DCC: variants seen among roughly 807,000 people sequenced by gnomAD.
DCC encodes the protein DCC netrin 1 receptor, also known as netrin receptor DCC.
Under a neutral mutation model 172.5 loss-of-function variants are expected in DCC, and 58 were observed. The observed-to-expected ratio is 0.34, with a 90% CI of 0.27 to 0.42. The LOEUF (loss-of-function observed/expected upper bound fraction) is 0.42. DCC is among the 10% of genes least tolerant of loss of function. The pLI is 1.00. For missense variants in DCC, 1,740 were observed against 1,791.0 expected, an observed-to-expected ratio of 0.97 and a Z score of 0.51; for synonymous variants, 709 against 644.5, an observed-to-expected ratio of 1.10 and a Z score of -1.52.
intron 1 of DCC, among the ~76,000 whole-genome samples, chr18:52,474,557 C>A (rs1047174277): frequency 1.3e-5 from 2 of 152,174 alleles, no homozygotes; most frequent in African/African-American, 2.4e-5. Flanking sequence ...AAAGCAGAAA[C>A]TTCTCTCATG....
chr18:53,266,519 CTCTT>C (rs1275850261), intron 12 of DCC, among the ~76,000 whole-genome samples: 2 of 152,082 alleles, frequency 1.3e-5, no homozygotes, highest in African/African-American at 2.4e-5. Flanking sequence ...CTTCCCTGTG[CTCTT>C]TCTTTCTTTT....
At chr18:52,994,997 AAACT>A (rs1568233871) in intron 5 of DCC, among the ~76,000 whole-genome samples, 3 of 152,154 alleles carry the variant, frequency 2.0e-5, no homozygotes, top group Non-Finnish European at 2.9e-5. Context: ...TATTTTAAAG[AAACT>A]AACAGCATTT....
intron 2 of DCC, among the ~76,000 whole-genome samples, chr18:52,892,864 T>C (rs1341961102): frequency 2.0e-5 from 3 of 152,148 alleles, no homozygotes; most frequent in African/African-American, 7.2e-5. Context: ...GCTCCAATTT[T>C]CCCCCAGTAG....
intron 2 of DCC, among the ~76,000 whole-genome samples, chr18:52,770,576 T>C (rs1052791720): frequency 9.2e-5 from 14 of 152,170 alleles, no homozygotes; most frequent in Non-Finnish European, 1.0e-4. Context: ...GGCACAGTAT[T>C]ATAGTGTCTG....
intron 5 of DCC, among the ~76,000 whole-genome samples, chr18:52,941,374 A>G (rs7227090): frequency 0.13 from 19,819 of 152,080 alleles, 1,681 homozygotes; most frequent in East Asian, 0.35. Context: ...TAAAGGTAGT[A>G]CTCAGGGCAA....
At chr18:52,927,158 C>CGTGTATATACGTATATATACGTATATGT (rs1568192254) in intron 5 of DCC, among the ~76,000 whole-genome samples, 1 of 25,438 alleles carries the variant, frequency 3.9e-5, no homozygotes, top group African/African-American at 9.5e-5. Context: ...TGTATATATA[C>CGTGTATATACGTATATATACGTATATGT]GTATATATGT....
At chr18:52,514,193 G>A (rs997525669) in intron 1 of DCC, among the ~76,000 whole-genome samples, 8 of 151,888 alleles carry the variant, frequency 5.3e-5, no homozygotes, top group African/African-American at 1.2e-4. Context: ...GTGTATATGC[G>A]TACACATGTG....
chr18:53,204,941 C>T (rs567581078), intron 9 of DCC, among the ~76,000 whole-genome samples: 11 of 152,180 alleles, frequency 7.2e-5, no homozygotes, highest in Admixed American at 7.2e-4. Flanking sequence ...CTCTTTGCTG[C>T]CATTATCTTA....
intron 1 of DCC, among the ~76,000 whole-genome samples, chr18:52,412,219 G>A (rs1986867306): frequency 6.6e-6 from 1 of 152,018 alleles, no homozygotes; most frequent in East Asian, 1.9e-4. Flanking sequence ...TGTTTGTAAA[G>A]GCATGTATAC....
At chr18:52,909,870 G>A (rs1229256360) in intron 3 of DCC, among the ~76,000 whole-genome samples, 1 of 152,144 alleles carries the variant, frequency 6.6e-6, no homozygotes, top group Non-Finnish European at 1.5e-5. Flanking sequence ...AAAACACAGA[G>A]CACCATTACC....
intron 1 of DCC, among the ~76,000 whole-genome samples, chr18:52,379,859 A>G (rs980380169): frequency 2.6e-5 from 4 of 152,152 alleles, no homozygotes; most frequent in Non-Finnish European, 5.9e-5. Context: ...TCACATTTAT[A>G]TAATGTCCCT....
chr18:52,894,018 C>A (rs1028733347), intron 2 of DCC, among the ~76,000 whole-genome samples: 3 of 152,170 alleles, frequency 2.0e-5, no homozygotes, highest in Non-Finnish European at 4.4e-5. Flanking sequence ...CATGTGCAGT[C>A]TTTAGATTCA....
rs562301393 is a variant in DCC at position 52,989,838 on chromosome 18, A to G, written c.985+64468A>G. Among the ~76,000 whole-genome samples the G allele has an allele frequency of 3.9e-5, 6 of 152,240 alleles. No individual in the cohort carries two copies. In the East Asian group the frequency reaches 9.7e-4, roughly 25 times the overall value. On this transcript the variant is annotated intron_variant, in intron 5 of 28. Coordinates refer to ENST00000442544, the MANE Select transcript of DCC (RefSeq NM_005215.4). ...GAGTAGCAGAAAGCAATTTCAATCT[A>G]TCAAAGCCATGTAGGGACCAGAGAT...
chr18:53,433,009 G>A (rs1292906233), intron 21 of DCC, among the ~76,000 whole-genome samples: 3 of 151,938 alleles, frequency 2.0e-5, no homozygotes, highest in Admixed American at 6.6e-5. Context: ...TTTAAAAAGT[G>A]CTTTCTGTTG....
chr18:52,511,339 A>G (rs1972917), intron 1 of DCC, among the ~76,000 whole-genome samples: 85,812 of 150,222 alleles, frequency 0.57, 25,038 homozygotes, highest in South Asian at 0.69. Context: ...GCCTGGTTTG[A>G]TAAGGGGAAT....
chr18:52,912,221 C>T (rs1179396930), intron 3 of DCC, among the ~76,000 whole-genome samples: 1 of 151,922 alleles, frequency 6.6e-6, no homozygotes, highest in Non-Finnish European at 1.5e-5. Context: ...TAAAATGTCG[C>T]AAGTAATACC....
intron 7 of DCC, among the ~76,000 whole-genome samples, chr18:53,137,330 C>T (rs954732968): frequency 6.6e-6 from 1 of 152,146 alleles, no homozygotes; most frequent in African/African-American, 2.4e-5. Context: ...CTGCATGTGG[C>T]CATAGGTCTG....
intron 14 of DCC, among the ~76,000 whole-genome samples, chr18:53,322,794 A>T (rs1250911826): frequency 6.6e-6 from 1 of 151,790 alleles, no homozygotes; most frequent in Non-Finnish European, 1.5e-5. Flanking sequence ...CTAAATTTTT[A>T]AAATAAAATT....
rs141965040 is a variant in DCC, at chr18:53,207,879, G to A, written c.1861+62G>A. ...GACATAATATTGACAATAATGACAT[G>A]ATATTGCACATATATCATATATTCC... On this transcript the variant is annotated intron_variant, in intron 11 of 28. Transcript: ENST00000442544. 303 of 1,410,182 alleles carry A rather than the reference G, an allele frequency of 2.1e-4. 1 individual carries two copies. The East Asian group carries it at 5.9e-3, about 27-fold the overall frequency. The allele number at this position is 1,410,182 out of a possible 1,614,324, so 87.4% of individuals were successfully genotyped here.
Sources: gnomAD v4.1 joint callset for allele counts (sites outside exome capture counted in the v4.1 genomes callset) on GRCh38, gnomAD v4.1.1 for gene constraint, MANE v1.5 for transcripts, NCBI Gene and HGNC (gene_info 2026-07-23, HGNC 2026-07-21) for gene names.